Variants in KAT2B observed in about 807,000 individuals in gnomAD.
The protein encoded by KAT2B is lysine acetyltransferase 2B, also known as histone acetyltransferase KAT2B.
In KAT2B, 36 loss-of-function variants were observed where a neutral mutation model predicts 105.9. That is an observed-to-expected ratio of 0.34 (90% CI 0.26 to 0.45). The LOEUF is 0.45. Among genes scored for constraint, KAT2B ranks in the 20% least tolerant of loss-of-function variants. The pLI is 1.00. For synonymous variants in KAT2B, 397 were observed against 377.9 expected (o/e 1.05, Z -0.59); for missense variants, 820 against 1,021.6 (o/e 0.80, Z 2.69).
intron 1 of KAT2B, among the ~76,000 whole-genome samples, chr3:20,042,974 A>G (rs571210681): frequency 6.6e-6 from 1 of 151,552 alleles, no homozygotes; most frequent in Non-Finnish European, 1.5e-5. Flanking sequence ...ATCGTAGCTC[A>G]CTGCAGACTC....
chr3:20,129,830 C>T (rs1393111687), intron 11 of KAT2B, among the ~76,000 whole-genome samples: 1 of 152,150 alleles, frequency 6.6e-6, no homozygotes, highest in Non-Finnish European at 1.5e-5. Context: ...CCTTCAGCTT[C>T]AAAGAAGCAA....
At chr3:20,042,932 C>T (rs1697744731) in intron 1 of KAT2B, among the ~76,000 whole-genome samples, 1 of 151,186 alleles carries the variant, frequency 6.6e-6, no homozygotes, top group Admixed American at 6.6e-5. Flanking sequence ...CAGGGTCTCA[C>T]TCTGCCACGT....
chr3:20,106,438 T>TACACACACACAC (rs10554524), intron 5 of KAT2B, among the ~76,000 whole-genome samples: 72 of 145,714 alleles, frequency 4.9e-4, no homozygotes, highest in African/African-American at 1.7e-3. Flanking sequence ...ACACCAGAAG[T>TACACACACACAC]ACACACACAC....
At chr3:20,103,951 G>C (rs1373091383) in intron 5 of KAT2B, among the ~76,000 whole-genome samples, 1 of 152,062 alleles carries the variant, frequency 6.6e-6, no homozygotes, top group Non-Finnish European at 1.5e-5. Context: ...TATTCCATGG[G>C]TGGTTTGTAT....
At chr3:20,078,134 G>A (rs1367911528) in intron 2 of KAT2B, among the ~76,000 whole-genome samples, 2 of 152,056 alleles carry the variant, frequency 1.3e-5, no homozygotes, top group African/African-American at 2.4e-5. Context: ...GGCCGAGATC[G>A]CACCACTTGC....
chr3:20,137,072 A>G lies in KAT2B; in HGVS notation c.1860+20A>G, dbSNP rs1203381412. Reference sequence around the variant, plus strand: ...AAACAGGTTGGTTTCTCACCACGCAACACTGTTTTGTCACTCCTTTTCTTA... The same window carrying G: ...AAACAGGTTGGTTTCTCACCACGCAGCACTGTTTTGTCACTCCTTTTCTTA... On this transcript the variant is annotated intron_variant, in intron 12 of 17. Transcript: ENST00000263754. 5.1e-6 allele frequency: 6 copies of G among 1,185,902 alleles called. No individual in the cohort carries two copies. Among genetic ancestry groups the G allele is most frequent in the African/African-American group, 3.0e-5 (2 of 66,548 alleles). 73.5% of individuals were successfully genotyped at this position (1,185,902 alleles called of 1,614,324 possible). A position where few individuals can be genotyped will look rare whatever the true frequency, so the allele number is the denominator to read the frequency against.
intron 13 of KAT2B, among the ~76,000 whole-genome samples, chr3:20,143,973 A>T (rs1174388168): frequency 6.6e-6 from 1 of 152,124 alleles, no homozygotes; most frequent in Non-Finnish European, 1.5e-5. Context: ...AGAAGCCCAA[A>T]CCTCAGCATC....
chr3:20,132,802 A>G lies in KAT2B; in HGVS notation c.1750-4140A>G, dbSNP rs112927228. ...TTGAGAAGCTATTTACCAAAGAACC[A>G]TTGTTGTTCTTGAGTAAAATTAATT... On this transcript the variant is annotated intron_variant, in intron 11 of 17. Transcript: ENST00000263754. Among the ~76,000 whole-genome samples, 403 of 152,340 alleles carry G rather than the reference A, an allele frequency of 2.6e-3. 1 individual carries two copies. The highest frequency in any genetic ancestry group is 8.7e-3 in the African/African-American group (362 of 41,584).
At chr3:20,118,371 T>G in intron 7 of KAT2B, among the ~76,000 whole-genome samples, 1 of 148,548 alleles carries the variant, frequency 6.7e-6, no homozygotes. Flanking sequence ...TGTGTGTGTA[T>G]ATGTATATAT....
At chr3:20,117,444 A>G (rs1699226468) in intron 7 of KAT2B, among the ~76,000 whole-genome samples, 1 of 152,324 alleles carries the variant, frequency 6.6e-6, no homozygotes. Context: ...AAATTTTACA[A>G]GATACTCAGA....
At chr3:20,081,344 C>G (rs1251188054) in intron 2 of KAT2B, among the ~76,000 whole-genome samples, 1 of 152,188 alleles carries the variant, frequency 6.6e-6, no homozygotes, top group Non-Finnish European at 1.5e-5. Context: ...GGTCACGGCA[C>G]ACAGTGACAG....
In KAT2B at chr3:20,040,460, G is replaced by T. The variant is rs1385838854; in HGVS notation, c.-18G>T. 5.6e-6 allele frequency: 6 copies of T among 1,080,538 alleles called. No homozygotes were observed. Among genetic ancestry groups the T allele is most frequent in the Non-Finnish European group, 6.7e-6 (6 of 893,222 alleles). The allele number at this position is 1,080,538 out of a possible 1,614,324, so 66.9% of individuals were successfully genotyped here. On this transcript the variant is annotated 5_prime_UTR_variant, in exon 1 of 18. Transcript: ENST00000263754. ...CGGCGCCTGACACTCGGCGCCTCCT[G>T]CCGTGCTCCGGGGCGGCATGTCCGA...
At position 20,152,636 on chromosome 3, in the gene KAT2B, T is replaced by A; in HGVS notation, c.*111T>A. ...GATGTATTGAAGAGACTTGTAAATG[T>A]AATAATTAGCACTTTTGAAAAAACA... On this transcript the variant is annotated 3_prime_UTR_variant, in exon 18 of 18. Transcript: ENST00000263754. The A allele has an allele frequency of 2.6e-6, 2 of 782,352 alleles. No individual in the cohort carries two copies. The highest frequency in any genetic ancestry group is 3.9e-6 in the Non-Finnish European group (2 of 507,516). 48.5% of individuals were successfully genotyped at this position (782,352 alleles called of 1,614,324 possible).
chr3:20,151,931 T>C (rs1388101913), intron 17 of KAT2B, among the ~76,000 whole-genome samples: 1 of 152,138 alleles, frequency 6.6e-6, no homozygotes, highest in African/African-American at 2.4e-5. Context: ...TTTAAGTAAT[T>C]AAATGATTGA....
intron 2 of KAT2B, among the ~76,000 whole-genome samples, chr3:20,081,896 A>ATATATATAT (rs1698526899): frequency 2.3e-5 from 2 of 86,296 alleles, no homozygotes; most frequent in Non-Finnish European, 4.3e-5. Context: ...TATATGTATA[A>ATATATATAT]ATGTATATAG....
chr3:20,040,869 C>T (rs1022495411), intron 1 of KAT2B, 89 bp downstream of exon 1: 2 of 1,391,254 alleles, frequency 1.4e-6, no homozygotes, highest in South Asian at 1.5e-5. Flanking sequence ...ACCTCCGCCT[C>T]CCGCCTCCTG....
rs145622725 is a variant in KAT2B, at chr3:20,119,627, A to G, written c.1180A>G (p.Ile394Val). The G allele has an allele frequency of 6.2e-6, 10 of 1,613,948 alleles. No individual in the cohort carries two copies. In the East Asian group the frequency reaches 8.9e-5, roughly 14 times the overall value. The change falls in exon 8 of 18, where the codon ATT becomes GTT. Residue 394 changes from isoleucine (I) to valine (V), a missense_variant. Ile to Val is a conservative substitution (Grantham distance 29). Around this residue, in one of 6 missense-constraint regions of KAT2B, gnomAD observed 225 missense variants for 268.1 expected, o/e 0.84. Transcript: ENST00000263754. ...VINPPPVAGTISYNSTSSSLE... is the reference protein window; with the variant it reads ...VINPPPVAGTVSYNSTSSSLE... ...CAATCCACCTCCTGTGGCTGGGACA[A>G]TTTCATACAATTCAACCTCATCTTC...
At chr3:20,135,384 G>C (rs1273942817) in intron 11 of KAT2B, among the ~76,000 whole-genome samples, 1 of 152,168 alleles carries the variant, frequency 6.6e-6, no homozygotes, top group South Asian at 2.1e-4. Context: ...GCCGGGCGCG[G>C]TGGCTCACGC....
chr3:20,112,553 G>A (rs1304547922), intron 6 of KAT2B, among the ~76,000 whole-genome samples: 1 of 152,218 alleles, frequency 6.6e-6, no homozygotes, highest in Non-Finnish European at 1.5e-5. Flanking sequence ...CAAGGGTGCA[G>A]TTGATGACTT....
Sources: allele counts gnomAD v4.1 joint callset (sites outside exome capture counted in the v4.1 genomes callset), GRCh38; gene constraint gnomAD v4.1.1; regional missense constraint gnomAD v4.1.1; transcripts MANE v1.5; gene names NCBI Gene and HGNC (gene_info 2026-07-23, HGNC 2026-07-21).